The following DEPDC5 variants were observed in gnomAD, a reference collection of about 807,000 sequenced individuals.
The protein encoded by DEPDC5 is DEP domain containing 5, GATOR1 subcomplex subunit, also known as GATOR1 complex protein DEPDC5.
DEPDC5 carries 73 observed loss-of-function variants against 217.3 expected under a neutral mutation model. The observed-to-expected ratio is 0.34, with a 90% CI of 0.28 to 0.41. The LOEUF (loss-of-function observed/expected upper bound fraction) is 0.41. Ranked by LOEUF, DEPDC5 falls within the 10% of genes least tolerant of loss-of-function variation. The probability of loss-of-function intolerance (pLI) is 1.00; values close to 1 mark genes in which losing one functional copy is unlikely to be tolerated. For missense variants in DEPDC5, 1,675 were observed against 2,070.1 expected, an observed-to-expected ratio of 0.81 and a Z score of 3.70; for synonymous variants, 733 against 756.7, an observed-to-expected ratio of 0.97 and a Z score of 0.51.
At chr22:31,780,690 C>T (rs1437234312) in intron 8 of DEPDC5, among the ~76,000 whole-genome samples, 1 of 152,164 alleles carries the variant, frequency 6.6e-6, no homozygotes, top group Non-Finnish European at 1.5e-5. Context: ...CTTCCTGGTC[C>T]ACCAGGCTGG....
chr22:31,876,249 C>G lies in DEPDC5; in HGVS notation c.3789C>G (p.Asp1263Glu). 1 of 1,613,680 alleles carries G rather than the reference C, an allele frequency of 6.2e-7. No individual in the cohort carries two copies. The highest frequency in any genetic ancestry group is 8.5e-7 in the Non-Finnish European group (1 of 1,179,970). ...YGFYFYKIVTDKEPDRVAMQQ... is the reference protein window; with the variant it reads ...YGFYFYKIVTEKEPDRVAMQQ... ...TCTATTTCTACAAGATAGTAACGGA[C>G]AAAGAGCCCGACCGAGGTTAGAGCC... Residue 1263 changes from aspartate (D) to glutamate (E), a missense_variant, in exon 37 of 43, where the codon GAC (aspartate) becomes GAG (glutamate). By Grantham distance (45) the Asp-to-Glu change is conservative. Around this residue, in one of 11 missense-constraint regions of DEPDC5, gnomAD observed 194 missense variants for 199.3 expected, o/e 0.97. Transcript: ENST00000651528.
chr22:31,855,685 A>C (rs1260714872), intron 31 of DEPDC5, among the ~76,000 whole-genome samples: 1 of 152,138 alleles, frequency 6.6e-6, no homozygotes, highest in East Asian at 1.9e-4. Flanking sequence ...GCCAACTTCA[A>C]AATATTTCAT....
At chr22:31,760,581 C>T in intron 3 of DEPDC5, 75 bp from the exon 4 acceptor site, 1 of 1,364,574 alleles carries the variant, frequency 7.3e-7, no homozygotes, top group Non-Finnish European at 1.0e-6. Context: ...ACCTATTTGC[C>T]TTTTGTCGGG....
At chr22:31,825,415 A>G (rs928978885) in intron 24 of DEPDC5, among the ~76,000 whole-genome samples, 1 of 152,206 alleles carries the variant, frequency 6.6e-6, no homozygotes, top group South Asian at 2.1e-4. Context: ...AAATTGGAAA[A>G]GCATTTGCTG....
At chr22:31,879,135 T>C (rs1232464110) in intron 37 of DEPDC5, among the ~76,000 whole-genome samples, 1 of 148,550 alleles carries the variant, frequency 6.7e-6, no homozygotes, top group African/African-American at 2.5e-5. Context: ...TATATACATA[T>C]ATATTTTTAA....
At position 31,893,641 on chromosome 22, in the gene DEPDC5, G is replaced by A. The variant is rs1191285429; in HGVS notation, c.4093G>A (p.Asp1365Asn). 1.2e-5 allele frequency: 20 copies of A among 1,613,976 alleles called. No individual in the cohort carries two copies. The highest frequency in any genetic ancestry group is 1.7e-5 in the Non-Finnish European group (20 of 1,179,962). Residue 1365 changes from aspartate to asparagine, a missense_variant, in exon 39 of 43, where the codon GAC becomes AAC. This residue lies in a region of DEPDC5 where 182 missense variants were observed against 290.1 expected (regional missense o/e 0.63). Transcript: ENST00000651528. ...GGATGTTGACGTGAACAACCGCACA[G>A]ACCGGCTGGAGTGGTGCAGCTGTTA... The part of the protein sequence containing the change: ...TLDVDVNNRT[D>N]RLEWCSCYYH...
chr22:31,867,015 A>C (rs1202368919), intron 33 of DEPDC5, among the ~76,000 whole-genome samples: 1 of 152,220 alleles, frequency 6.6e-6, no homozygotes, highest in African/African-American at 2.4e-5. Context: ...CACTAAGTCT[A>C]GCCCACTCTA....
At chr22:31,784,341 A>G (rs925892096) in intron 9 of DEPDC5, 22 of 207,238 alleles carry the variant, frequency 1.1e-4, no homozygotes, top group African/African-American at 4.0e-4. Flanking sequence ...TAAGATGTAC[A>G]AAACAGGCCG....
chr22:31,754,800 CAA>C, intron 1 of DEPDC5, 60 bp from the exon 2 acceptor site: 5 of 1,140,760 alleles, frequency 4.4e-6, no homozygotes, highest in Non-Finnish European at 5.2e-6. Context: ...GGCCTAAAAT[CAA>C]AGAGTGGTTG....
At chr22:31,818,932 T>G in intron 21 of DEPDC5, 90 bp from the exon 22 acceptor site, 1 of 1,333,912 alleles carries the variant, frequency 7.5e-7, no homozygotes, top group Non-Finnish European at 1.1e-6. Flanking sequence ...CCAAGATTCT[T>G]GTCAGCCTTG....
At chr22:31,842,552 GCAA>G (rs2148999078) in intron 27 of DEPDC5, among the ~76,000 whole-genome samples, 1 of 135,218 alleles carries the variant, frequency 7.4e-6, no homozygotes, top group Non-Finnish European at 1.5e-5. Context: ...TCCAGCTTGG[GCAA>G]CAAGAGCGAA....
At chr22:31,902,408 T>TTTTATATATATATA (rs1491391820) in intron 41 of DEPDC5, among the ~76,000 whole-genome samples, 4 of 111,948 alleles carry the variant, frequency 3.6e-5, no homozygotes, top group Non-Finnish European at 5.4e-5. Flanking sequence ...CATCTCCTTA[T>TTTTATATATATATA]TATATATATA....
At chr22:31,830,582 G>T (rs184090481) in intron 24 of DEPDC5, among the ~76,000 whole-genome samples, 1 of 151,976 alleles carries the variant, frequency 6.6e-6, no homozygotes, top group African/African-American at 2.4e-5. Flanking sequence ...AAGCATAATA[G>T]CTTCCTGGAA....
rs1211161520 is a variant in DEPDC5 at position 31,858,644 on chromosome 22, CG to C, written c.3264+1092del. Reference sequence around the variant, plus strand: ...AAAATAATTATATACTTTTTTCTTTCGTTTTTTTTCCCCTAAGCAACCCCAA... The same window carrying C: ...AAAATAATTATATACTTTTTTCTTTCTTTTTTTTCCCCTAAGCAACCCCAA... On this transcript the variant is annotated intron_variant, in intron 32 of 42. Coordinates refer to ENST00000651528, the MANE Select transcript of DEPDC5 (RefSeq NM_001242896.3). 9 of 151,934 alleles carry C rather than the reference CG, an allele frequency of 5.9e-5. 1 individual carries two copies. Among genetic ancestry groups the C allele is most frequent in the East Asian group, 1.9e-4 (1 of 5,186 alleles). 9.4% of individuals were successfully genotyped at this position (151,934 alleles called of 1,614,324 possible). A position where few individuals can be genotyped will look rare whatever the true frequency, so the allele number is the denominator to read the frequency against.
At position 31,838,708 on chromosome 22, in the gene DEPDC5, T is replaced by TGACA; in HGVS notation, c.2380_2383dup (p.Ala795AspfsTer7). 6.2e-7 allele frequency: 1 copy of TGACA among 1,614,154 alleles called. No individual in the cohort carries two copies. Among genetic ancestry groups the TGACA allele is most frequent in the South Asian group, 1.1e-5 (1 of 91,076 alleles). ...AGGAGGGACGAAGATGGTGTGCAGA[T>TGACA]GACAGCCCAGCAGGTATTTGAAGAG... On this transcript the variant is annotated frameshift_variant, in exon 27 of 43. Coordinates refer to ENST00000651528, the MANE Select transcript of DEPDC5 (RefSeq NM_001242896.3). LOFTEE classifies it high-confidence loss of function.
At chr22:31,834,751 G>A (rs2090867350) in intron 25 of DEPDC5, among the ~76,000 whole-genome samples, 1 of 151,240 alleles carries the variant, frequency 6.6e-6, no homozygotes, top group African/African-American at 2.4e-5. Flanking sequence ...TCCTAACCTC[G>A]TGATCCTGAC....
At chr22:31,815,982 T>A (rs1165292611) in intron 21 of DEPDC5, 1 of 988,320 alleles carries the variant, frequency 1.0e-6, no homozygotes, top group Non-Finnish European at 1.2e-6. Flanking sequence ...TAAAACAACC[T>A]CTGTCTTAAT....
chr22:31,873,269 T>C lies in DEPDC5; in HGVS notation c.3500T>C (p.Val1167Ala). 3 of 1,614,132 alleles carry C rather than the reference T, an allele frequency of 1.9e-6. No individual in the cohort carries two copies. The African/African-American group carries it at 4.0e-5, about 22-fold the overall frequency. Residue 1167 changes from valine (V) to alanine (A), a missense_variant, in exon 35 of 43, where the codon GTG (valine) becomes GCG (alanine). By Grantham distance (64) the Val-to-Ala change is moderately conservative. Around this residue, in one of 11 missense-constraint regions of DEPDC5, gnomAD observed 194 missense variants for 199.3 expected, o/e 0.97. Transcript: ENST00000651528. The stretch of plus-strand genomic sequence containing the variant: ...CTGTGTTACAGCTCTCAGCAGCTGG[T>C]GGCAAGCTCCTTGACCTCATCCTCT... ...NSSDSSSQQL[V>A]ASSLTSSSTL...
intron 24 of DEPDC5, among the ~76,000 whole-genome samples, chr22:31,827,165 C>T (rs2090218235): frequency 6.6e-6 from 1 of 152,042 alleles, no homozygotes; most frequent in Non-Finnish European, 1.5e-5. Flanking sequence ...CATCTTTTCC[C>T]TTTCCCAGTC....
Sources: allele counts gnomAD v4.1 joint callset (sites outside exome capture counted in the v4.1 genomes callset), GRCh38; gene constraint gnomAD v4.1.1; regional missense constraint gnomAD v4.1.1; transcripts MANE v1.5; gene names NCBI Gene and HGNC (gene_info 2026-07-23, HGNC 2026-07-21).